Variants in ADGRL3 observed in about 807,000 individuals in gnomAD.
ADGRL3 encodes the protein adhesion G protein-coupled receptor L3, also known as calcium-independent alpha-latrotoxin receptor 3.
A neutral mutation model predicts 153.5 loss-of-function variants in ADGRL3; 62 were observed. That is an observed-to-expected ratio of 0.40 (90% CI 0.33 to 0.50). ADGRL3 has a LOEUF of 0.50. Among genes scored for constraint, ADGRL3 ranks in the 20% least tolerant of loss-of-function variants. The pLI is 0.47. For synonymous variants in ADGRL3, 710 were observed against 672.5 expected, an observed-to-expected ratio of 1.06 and a Z score of -0.86; for missense variants, 1,641 against 1,859.4, an observed-to-expected ratio of 0.88 and a Z score of 2.16.
At position 61,937,872 on chromosome 4, in the gene ADGRL3, G is replaced by T. The variant is rs137982677; in HGVS notation, c.2419+1827G>T. On this transcript the variant is annotated intron_variant, in intron 15 of 26. Coordinates refer to ENST00000683033, the MANE Select transcript of ADGRL3 (RefSeq NM_001387552.1). ...AGAAATATATTAGTCAAATTAAGTT[G>T]TGTGTTCATTTGTTTTCTAAATTAA... is the stretch of plus-strand genomic sequence containing the variant. Among the ~76,000 whole-genome samples the T allele has an allele frequency of 1.2e-3, 180 of 152,228 alleles. 1 individual carries two copies. The highest frequency in any genetic ancestry group is 4.2e-3 in the African/African-American group (174 of 41,514).
At chr4:61,314,208 GTT>G (rs372800861) in intron 1 of ADGRL3, among the ~76,000 whole-genome samples, 4 of 141,990 alleles carry the variant, frequency 2.8e-5, no homozygotes, top group African/African-American at 1.0e-4. Flanking sequence ...CTACTTTGAA[GTT>G]TTTTTTTTTT....
At chr4:61,360,794 T>C (rs1193254717) in intron 1 of ADGRL3, among the ~76,000 whole-genome samples, 1 of 152,178 alleles carries the variant, frequency 6.6e-6, no homozygotes, top group African/African-American at 2.4e-5. Context: ...TAGTGTATGG[T>C]GTACTCTCAA....
Position 61,442,148 on chromosome 4 carries a change from T to C in ADGRL3, c.-173-54973T>C, listed in dbSNP as rs185936409. Among the ~76,000 whole-genome samples, 40 of 152,304 alleles carry C rather than the reference T, an allele frequency of 2.6e-4. 1 individual carries two copies. Among genetic ancestry groups the C allele is most frequent in the African/African-American group, 9.4e-4 (39 of 41,568 alleles). ...ATAAAAAAATCATTTTGATGATAACTGTAATGTTAGTTCAAGTAAAATATT... is the reference window on the plus strand; with the variant it reads ...ATAAAAAAATCATTTTGATGATAACCGTAATGTTAGTTCAAGTAAAATATT... On this transcript the variant is annotated intron_variant, in intron 2 of 26. Coordinates refer to ENST00000683033, the MANE Select transcript of ADGRL3 (RefSeq NM_001387552.1).
chr4:61,610,770 T>C (rs188217706), intron 5 of ADGRL3, among the ~76,000 whole-genome samples: 58 of 146,570 alleles, frequency 4.0e-4, no homozygotes, highest in South Asian at 2.2e-4. Flanking sequence ...AAACAGAACC[T>C]TACATTAATG....
intron 8 of ADGRL3, among the ~76,000 whole-genome samples, chr4:61,787,328 C>T (rs1467494280): frequency 6.6e-6 from 1 of 151,544 alleles, no homozygotes; most frequent in East Asian, 1.9e-4. Flanking sequence ...AATATCCTAG[C>T]TTTTAGTAAA....
intron 26 of ADGRL3, among the ~76,000 whole-genome samples, chr4:62,069,755 T>A (rs1744835953): frequency 6.6e-6 from 1 of 152,140 alleles, no homozygotes; most frequent in African/African-American, 2.4e-5. Flanking sequence ...TATGAATGAC[T>A]ACACCAAAAT....
intron 1 of ADGRL3, among the ~76,000 whole-genome samples, chr4:61,380,354 G>A (rs995785611): frequency 1.4e-4 from 21 of 151,960 alleles, no homozygotes; most frequent in East Asian, 1.4e-3. Flanking sequence ...CTGGCATTGA[G>A]TAAATATTTG....
intron 2 of ADGRL3, among the ~76,000 whole-genome samples, chr4:61,424,837 A>T (rs1393468710): frequency 6.6e-6 from 1 of 152,106 alleles, no homozygotes; most frequent in Non-Finnish European, 1.5e-5. Flanking sequence ...TGCTCCAGGG[A>T]TGGTCAAAGC....
chr4:61,699,679 C>A (rs2095712487), intron 6 of ADGRL3, among the ~76,000 whole-genome samples: 1 of 152,002 alleles, frequency 6.6e-6, no homozygotes, highest in Non-Finnish European at 1.5e-5. Flanking sequence ...CATTTTTGAT[C>A]TTATCTTTTA....
chr4:61,291,609 C>T (rs1287069490), intron 1 of ADGRL3, among the ~76,000 whole-genome samples: 165 of 8,968 alleles, frequency 0.018, no homozygotes, highest in East Asian at 0.14. Context: ...TATATACACA[C>T]ACATATATAT....
intron 2 of ADGRL3, chr4:61,426,939 G>GT (rs1000508227): frequency 6.6e-6 from 1 of 152,160 alleles, no homozygotes. Context: ...CACTGGGGCG[G>GT]TTTTTTGTCC....
At chr4:61,883,703 T>C (rs1169442507) in intron 9 of ADGRL3, among the ~76,000 whole-genome samples, 2 of 152,162 alleles carry the variant, frequency 1.3e-5, no homozygotes, top group African/African-American at 4.8e-5. Flanking sequence ...CTCTTAAACA[T>C]CTCATGAGTT....
At chr4:61,619,924 T>C (rs1224232009) in intron 5 of ADGRL3, among the ~76,000 whole-genome samples, 1 of 152,206 alleles carries the variant, frequency 6.6e-6, no homozygotes, top group Non-Finnish European at 1.5e-5. Flanking sequence ...CGGCAAATAG[T>C]TAAAATTTCA....
At chr4:61,753,596 G>T (rs771441860) in intron 8 of ADGRL3, among the ~76,000 whole-genome samples, 28 of 152,118 alleles carry the variant, frequency 1.8e-4, no homozygotes, top group Non-Finnish European at 3.7e-4. Flanking sequence ...TTATAATCAG[G>T]TATTGGAGGA....
intron 6 of ADGRL3, among the ~76,000 whole-genome samples, chr4:61,716,352 T>G (rs554027540): frequency 2.0e-5 from 3 of 152,078 alleles, no homozygotes; most frequent in Non-Finnish European, 4.4e-5. Context: ...TTATTAACAT[T>G]ATCAATGTAG....
intron 8 of ADGRL3, 34 bp from the exon 9 acceptor site, chr4:61,813,775 G>T: frequency 1.2e-6 from 2 of 1,604,860 alleles, no homozygotes; most frequent in Admixed American, 3.3e-5. Context: ...ACATACGTAT[G>T]ATGTCTTCTT....
At chr4:61,472,454 C>T (rs1203536350) in intron 2 of ADGRL3, among the ~76,000 whole-genome samples, 3 of 152,030 alleles carry the variant, frequency 2.0e-5, no homozygotes, top group Admixed American at 6.6e-5. Context: ...TTCATGCAGG[C>T]CTCTTTATAG....
intron 1 of ADGRL3, among the ~76,000 whole-genome samples, chr4:61,235,994 G>GTTTCT (rs1411529618): frequency 1.7e-5 from 2 of 114,304 alleles, no homozygotes; most frequent in African/African-American, 3.2e-5. Context: ...CTTTATCAGT[G>GTTTCT]TTTCTTTTCT....
chr4:61,567,219 T>C (rs1374881802), intron 4 of ADGRL3, among the ~76,000 whole-genome samples: 1 of 152,166 alleles, frequency 6.6e-6, no homozygotes, highest in Admixed American at 6.5e-5. Flanking sequence ...AGCTCACTGG[T>C]AGAGTAATTT....
Sources: gnomAD v4.1 joint callset for allele counts (sites outside exome capture counted in the v4.1 genomes callset) on GRCh38, gnomAD v4.1.1 for gene constraint, MANE v1.5 for transcripts, NCBI Gene and HGNC (gene_info 2026-07-23, HGNC 2026-07-21) for gene names.